Variants in POLA1 observed in about 807,000 individuals in gnomAD.
The protein encoded by POLA1 is DNA polymerase alpha 1, catalytic subunit, also known as DNA polymerase alpha catalytic subunit.
In POLA1, 15 loss-of-function variants were observed where a neutral mutation model predicts 124.0. That is an observed-to-expected ratio of 0.12 (90% CI 0.08 to 0.19). The LOEUF (loss-of-function observed/expected upper bound fraction) is 0.19, where lower values mean the gene tolerates loss of function less well. Among genes scored for constraint, POLA1 ranks in the 10% least tolerant of loss-of-function variants. The pLI is 1.00. For synonymous variants in POLA1, 408 were observed against 389.4 expected (o/e 1.05, Z -0.56); for missense variants, 886 against 1,103.4 (o/e 0.80, Z 2.79).
intron 36 of POLA1, among the ~76,000 whole-genome samples, chrX:24,963,419 G>A (rs1046470442): frequency 3.7e-4 from 41 of 111,553 alleles, no homozygotes; most frequent in African/African-American, 1.3e-3. Flanking sequence ...GGTTACAGCC[G>A]GTAGAGAACC....
chrX:24,966,812 A>G (rs923758480), intron 36 of POLA1, among the ~76,000 whole-genome samples: 1 of 112,445 alleles, frequency 8.9e-6, no homozygotes, highest in Non-Finnish European at 1.9e-5. Flanking sequence ...TTCAATATAG[A>G]AAAGAGGCAG....
At chrX:24,770,008 A>C (rs982942697) in intron 26 of POLA1, among the ~76,000 whole-genome samples, 12 of 112,410 alleles carry the variant, frequency 1.1e-4, no homozygotes, top group African/African-American at 9.7e-5. Flanking sequence ...CACTCTTCTG[A>C]AATACAGGAA....
intron 4 of POLA1, among the ~76,000 whole-genome samples, chrX:24,708,372 CTTTTTTTTTTT>C (rs397799733): frequency 2.5e-5 from 2 of 80,027 alleles, no homozygotes; most frequent in South Asian, 1.4e-3. Flanking sequence ...CATGAAAATA[CTTTTTTTTTTT>C]TTTTTTTTAA....
rs764618354 is a variant in POLA1, at chrX:24,947,246, C to CT, written c.4261+16736dup. ...CAGCTGGTTGTTTTCCCTGCAGATTCTTTTTTTTTTTTTTTTTTTTTTTTT... is the reference window on the plus strand; with the variant it reads ...CAGCTGGTTGTTTTCCCTGCAGATTCTTTTTTTTTTTTTTTTTTTTTTTTTT... On this transcript the variant is annotated intron_variant, in intron 36 of 36. Transcript: ENST00000379068. Among the ~76,000 whole-genome samples, 126 of 21,621 alleles carry CT rather than the reference C, an allele frequency of 5.8e-3. 46 individuals are homozygous for CT. The highest frequency in any genetic ancestry group is 8.2e-3 in the Non-Finnish European group (98 of 11,988). 18.8% of individuals were successfully genotyped at this position (21,621 alleles called of 115,157 possible).
At chrX:24,918,185 TACAC>T (rs1452007297) in intron 35 of POLA1, among the ~76,000 whole-genome samples, 1 of 104,627 alleles carries the variant, frequency 9.6e-6, no homozygotes, top group Non-Finnish European at 1.9e-5. Context: ...GGATAGCTGA[TACAC>T]ACCCCACCCA....
intron 7 of POLA1, 77 bp from the exon 8 acceptor site, chrX:24,716,807 A>G: frequency 7.3e-6 from 4 of 547,127 alleles, no homozygotes; most frequent in Non-Finnish European, 1.2e-5. Context: ...AACTGTCATT[A>G]TCTTTGGTCA....
chrX:24,813,426 A>G (rs2045936360), intron 29 of POLA1, among the ~76,000 whole-genome samples: 2 of 112,008 alleles, frequency 1.8e-5, no homozygotes, highest in African/African-American at 6.5e-5. Context: ...AAATATCATG[A>G]TTGACCTCCT....
chrX:24,948,811 A>G (rs1438530444), intron 36 of POLA1, among the ~76,000 whole-genome samples: 1 of 111,623 alleles, frequency 9.0e-6, no homozygotes, highest in African/African-American at 3.3e-5. Context: ...AACATTTCTA[A>G]CTCATTCATC....
At position 24,826,336 on chromosome X, in the gene POLA1, C is replaced by T; in HGVS notation, c.3562-91C>T. 1.7e-5 allele frequency: 10 copies of T among 593,703 alleles called. No individual in the cohort carries two copies. In the South Asian group the frequency reaches 3.3e-4, roughly 20 times the overall value. 48.9% of individuals were successfully genotyped at this position (593,703 alleles called of 1,213,427 possible). ...ACATAAAATTTAAATTGTTGCCTCT[C>T]TGTTTGACCAAGCAAGTGTCTGTGA... On this transcript the variant is annotated intron_variant, in intron 31 of 36. Transcript: ENST00000379068.
chrX:24,694,938 C>T (rs1927873726), intron 1 of POLA1, among the ~76,000 whole-genome samples: 1 of 111,923 alleles, frequency 8.9e-6, no homozygotes, highest in Admixed American at 9.5e-5. Flanking sequence ...TTTGGAGAGT[C>T]GACCTGCCTG....
rs777025204 is a variant in POLA1, at chrX:24,965,487, T to C, written c.4262-30318T>C. 8.0e-4 allele frequency among the ~76,000 whole-genome samples: 90 copies of C among 112,005 alleles called. 1 individual carries two copies. The Middle Eastern group carries it at 0.019, about 23-fold the overall frequency. ...TATGTGAGTTCCTTGGAGCCAGGGC[T>C]AATTGCTTTTTCATCCTTGTGTTGC... On this transcript the variant is annotated intron_variant, in intron 36 of 36. Transcript: ENST00000379068.
intron 35 of POLA1, among the ~76,000 whole-genome samples, chrX:24,893,424 A>G (rs2047167545): frequency 1.8e-5 from 2 of 112,091 alleles, no homozygotes; most frequent in African/African-American, 6.5e-5. Flanking sequence ...TAATTGACAT[A>G]ACATAAAATT....
At chrX:24,820,274 T>C (rs930141516) in intron 30 of POLA1, among the ~76,000 whole-genome samples, 1 of 111,463 alleles carries the variant, frequency 9.0e-6, no homozygotes, top group African/African-American at 3.3e-5. Flanking sequence ...GTATCATCAG[T>C]ACAGGTAGTA....
At position 24,996,920 on chromosome X, in the gene POLA1, G is replaced by C. The variant is rs1426357840; in HGVS notation, c.*970G>C. On this transcript the variant is annotated 3_prime_UTR_variant, in exon 37 of 37. Transcript: ENST00000379068. ...CTGTGTTTTTAAAAAACATTGACCT[G>C]TGTGTTTTTATAAAAGAAAAAGTAT... is the stretch of plus-strand genomic sequence containing the variant. 1 of 111,934 alleles carries C rather than the reference G, an allele frequency of 8.9e-6. No individual in the cohort carries two copies. Among genetic ancestry groups the C allele is most frequent in the Non-Finnish European group, 1.9e-5 (1 of 53,265 alleles). The allele number at this position is 111,934 out of a possible 1,213,427, so 9.2% of individuals were successfully genotyped here.
At chrX:24,905,444 C>T (rs2047350671) in intron 35 of POLA1, among the ~76,000 whole-genome samples, 1 of 102,738 alleles carries the variant, frequency 9.7e-6, no homozygotes, top group Non-Finnish European at 2.0e-5. Context: ...GGGGAGGAGA[C>T]GGAACACGAA....
intron 34 of POLA1, among the ~76,000 whole-genome samples, chrX:24,879,851 T>C (rs942481830): frequency 1.4e-4 from 16 of 111,925 alleles, no homozygotes; most frequent in African/African-American, 5.2e-4. Context: ...GTTGCTTGCA[T>C]GGAGACAGTT....
intron 32 of POLA1, among the ~76,000 whole-genome samples, chrX:24,837,306 G>A (rs766627730): frequency 5.4e-4 from 60 of 111,809 alleles, no homozygotes; most frequent in South Asian, 1.1e-3. Flanking sequence ...GTATAAGTTA[G>A]TTTTGCCTAT....
chrX:24,930,550 G>A lies in POLA1; in HGVS notation c.4261+1G>A. ...AAACTTACTACCGATCATGAGAAAG[G>A]TACGTTAAAATACTGTAATTACCTT... On this transcript the variant is annotated splice_donor_variant, in intron 36 of 36. Transcript: ENST00000379068. LOFTEE classifies it high-confidence loss of function. 9.0e-7 allele frequency: 1 copy of A among 1,114,672 alleles called. No individual in the cohort carries two copies. The highest frequency in any genetic ancestry group is 1.2e-6 in the Non-Finnish European group (1 of 807,101). 91.9% of individuals were successfully genotyped at this position (1,114,672 alleles called of 1,213,427 possible).
chrX:24,892,123 C>A (rs983835579), intron 35 of POLA1, among the ~76,000 whole-genome samples: 4 of 110,827 alleles, frequency 3.6e-5, no homozygotes, highest in African/African-American at 1.3e-4. Context: ...CGTGTATCTT[C>A]TCTCTTCTCA....
Sources: gnomAD v4.1 joint callset for allele counts (sites outside exome capture counted in the v4.1 genomes callset) on GRCh38, gnomAD v4.1.1 for gene constraint, MANE v1.5 for transcripts, NCBI Gene and HGNC (gene_info 2026-07-23, HGNC 2026-07-21) for gene names.